PHAF1: variants seen among roughly 807,000 people sequenced by gnomAD.
The protein encoded by PHAF1 is phagosome assembly factor 1.
Under a neutral mutation model 63.1 loss-of-function variants are expected in PHAF1, and 23 were observed. The ratio of observed to expected loss-of-function variants is 0.36; its 90% confidence interval spans 0.26 to 0.52. PHAF1 has a LOEUF of 0.52. Ranked by LOEUF, PHAF1 falls within the 20% of genes least tolerant of loss-of-function variation. PHAF1 has a pLI of 0.93. For missense variants in PHAF1, 427 were observed against 517.2 expected (o/e 0.83, Z 1.69); for synonymous variants, 167 against 185.0 (o/e 0.90, Z 0.79).
At chr16:67,134,953 A>G in intron 8 of PHAF1, 1 of 331,782 alleles carries the variant, frequency 3.0e-6, no homozygotes, top group Non-Finnish European at 5.9e-6. Context: ...GTTTATGGTT[A>G]AAGCTTTTGT....
chr16:67,110,163 G>A lies in PHAF1; in HGVS notation c.-13G>A, dbSNP rs1216645685. The A allele has an allele frequency of 1.3e-6, 2 of 1,551,056 alleles. No homozygotes were observed. The highest frequency in any genetic ancestry group is 1.7e-6 in the Non-Finnish European group (2 of 1,147,260). On this transcript the variant is annotated 5_prime_UTR_variant, in exon 1 of 16. Transcript: ENST00000219139. ...GCCGCAGGGAGGCCGCCCGGGCCAGGCGAGCCGAACCAATGCTGGACCTGG... is the reference window on the plus strand; with the variant it reads ...GCCGCAGGGAGGCCGCCCGGGCCAGACGAGCCGAACCAATGCTGGACCTGG...
chr16:67,138,000 G>A (rs147294317), intron 8 of PHAF1, among the ~76,000 whole-genome samples: 2,035 of 152,308 alleles, frequency 0.013, 13 homozygotes, highest in Non-Finnish European at 0.022. Context: ...AATGCAGGGA[G>A]TCAGTTCAGC....
intron 15 of PHAF1, 90 bp downstream of exon 15, chr16:67,146,440 C>A: frequency 7.6e-7 from 1 of 1,317,732 alleles, no homozygotes; most frequent in South Asian, 1.2e-5. Context: ...TTGGGGAGGG[C>A]ATCACTGCCA....
intron 10 of PHAF1, among the ~76,000 whole-genome samples, chr16:67,142,620 G>A (rs1597216437): frequency 6.6e-6 from 1 of 152,258 alleles, no homozygotes; most frequent in Non-Finnish European, 1.5e-5. Flanking sequence ...CCCCAGAGCA[G>A]GCACCGGGAG....
chr16:67,111,820 CG>C, intron 1 of PHAF1, among the ~76,000 whole-genome samples: 1 of 152,212 alleles, frequency 6.6e-6, no homozygotes, highest in Non-Finnish European at 1.5e-5. Context: ...GATTGGGTTT[CG>C]CCATGTTGGC....
At chr16:67,132,682 T>G in intron 5 of PHAF1, 135 bp from the exon 6 acceptor site, 1 of 1,185,336 alleles carries the variant, frequency 8.4e-7, no homozygotes, top group Non-Finnish European at 1.3e-6. Context: ...CCCCTTGTTT[T>G]CAACCTAGTA....
intron 8 of PHAF1, 52 bp downstream of exon 8, chr16:67,134,519 A>G (rs1963536981): frequency 1.4e-6 from 2 of 1,450,004 alleles, no homozygotes; most frequent in South Asian, 2.3e-5. Flanking sequence ...CCATGTTGAG[A>G]CAGTCTAAAA....
At chr16:67,134,583 C>A in intron 8 of PHAF1, 116 bp downstream of exon 8, 1 of 941,790 alleles carries the variant, frequency 1.1e-6, no homozygotes, top group Non-Finnish European at 1.7e-6. Flanking sequence ...AATAAAATAC[C>A]ATAAACTGAG....
chr16:67,137,305 A>G (rs967133734), intron 8 of PHAF1, among the ~76,000 whole-genome samples: 3 of 152,140 alleles, frequency 2.0e-5, no homozygotes, highest in South Asian at 2.1e-4. Context: ...TGCTTAAGCT[A>G]TGGTTTTGGG....
chr16:67,139,958 C>CA (rs758113800), intron 8 of PHAF1, 26 bp from the exon 9 acceptor site: 1 of 1,613,750 alleles, frequency 6.2e-7, no homozygotes, highest in African/African-American at 1.3e-5. Flanking sequence ...CATAACCTGA[C>CA]AACCTCTCTG....
rs1597175206 is a variant in PHAF1 at position 67,110,056 on chromosome 16, T to G, written c.-120T>G. 2 of 1,050,110 alleles carry G rather than the reference T, an allele frequency of 1.9e-6. No homozygotes were observed. Among genetic ancestry groups the G allele is most frequent in the Non-Finnish European group, 2.8e-6 (2 of 716,820 alleles). The allele number at this position is 1,050,110 out of a possible 1,614,324, so 65.0% of individuals were successfully genotyped here. ...GCTGCCGCTGCCGCCGGGGAGGAGG[T>G]GGAAAGCGGGGCTGTGGCGGGCCGG... On this transcript the variant is annotated 5_prime_UTR_variant, in exon 1 of 16. Transcript: ENST00000219139.
rs1962776445 is a variant in PHAF1 at position 67,117,269 on chromosome 16, T to G, written c.65-2843T>G. ...TTTCACCAAGCCGGCCAGGCTGGTC[T>G]CAAACTCCTGACCTCGTGATCCGCC... is the stretch of plus-strand genomic sequence containing the variant. On this transcript the variant is annotated intron_variant, in intron 1 of 15. Transcript: ENST00000219139. 2.1e-5 allele frequency among the ~76,000 whole-genome samples: 3 copies of G among 143,876 alleles called. No homozygotes were observed. In the South Asian group the frequency reaches 6.9e-4, roughly 33 times the overall value. The allele number at this position is 143,876 out of a possible 152,430, so 94.4% of individuals were successfully genotyped here. A position where few individuals can be genotyped will look rare whatever the true frequency, so the allele number is the denominator to read the frequency against.
At chr16:67,114,051 G>A (rs571982143) in intron 1 of PHAF1, among the ~76,000 whole-genome samples, 10 of 152,216 alleles carry the variant, frequency 6.6e-5, no homozygotes, top group Admixed American at 5.2e-4. Context: ...GCAAGTCTCT[G>A]AATTTGTTTT....
chr16:67,147,209 T>A lies in PHAF1; in HGVS notation c.*78T>A. On this transcript the variant is annotated 3_prime_UTR_variant, in exon 16 of 16. Coordinates refer to ENST00000219139, the MANE Select transcript of PHAF1 (RefSeq NM_025187.5). ...CTCAGTGGGCCTCTGTACCACCCTG[T>A]GGGTTTTCTTGGACACCTGGCCAGT... 7.3e-7 allele frequency: 1 copy of A among 1,372,836 alleles called. No individual in the cohort carries two copies. The highest frequency in any genetic ancestry group is 1.2e-5 in the South Asian group (1 of 82,146). The allele number at this position is 1,372,836 out of a possible 1,614,324, so 85.0% of individuals were successfully genotyped here.
intron 2 of PHAF1, among the ~76,000 whole-genome samples, chr16:67,123,887 C>T (rs1447042006): frequency 6.6e-6 from 1 of 152,162 alleles, no homozygotes; most frequent in Non-Finnish European, 1.5e-5. Flanking sequence ...TCCCATCTTT[C>T]TTAGAGGGAA....
At chr16:67,147,019 G>C in intron 15 of PHAF1, 26 bp from the exon 16 acceptor site, 2 of 1,586,822 alleles carry the variant, frequency 1.3e-6, no homozygotes, top group Non-Finnish European at 1.7e-6. Context: ...TCTCCCCCTT[G>C]ACCCACTGTC....
In PHAF1 at chr16:67,133,460, C is replaced by T. The variant is rs565879786; in HGVS notation, c.450+549C>T. 2.6e-3 allele frequency among the ~76,000 whole-genome samples: 368 copies of T among 141,922 alleles called. 1 individual carries two copies. Among genetic ancestry groups the T allele is most frequent in the African/African-American group, 9.2e-3 (347 of 37,550 alleles). 93.1% of individuals were successfully genotyped at this position (141,922 alleles called of 152,430 possible). A position where few individuals can be genotyped will look rare whatever the true frequency, so the allele number is the denominator to read the frequency against. On this transcript the variant is annotated intron_variant, in intron 6 of 15. Transcript: ENST00000219139. The stretch of plus-strand genomic sequence containing the variant: ...ACTTGAGGTCAGGAGTTCGAGACCA[C>T]GTTGGCCAACATGGTGAAACCCTGT...
chr16:67,120,718 CT>C (rs1962937619), intron 2 of PHAF1, among the ~76,000 whole-genome samples: 2 of 151,856 alleles, frequency 1.3e-5, no homozygotes, highest in African/African-American at 2.4e-5. Flanking sequence ...AGACCATGTG[CT>C]GCCATGTTGA....
intron 8 of PHAF1, chr16:67,139,598 C>A: frequency 5.6e-6 from 1 of 178,142 alleles, no homozygotes; most frequent in South Asian, 1.3e-4. Flanking sequence ...ACCCATCCGC[C>A]TTGGCCTCCC....
Sources: gnomAD v4.1 joint callset for allele counts (sites outside exome capture counted in the v4.1 genomes callset) on GRCh38, gnomAD v4.1.1 for gene constraint, MANE v1.5 for transcripts, NCBI Gene and HGNC (gene_info 2026-07-23, HGNC 2026-07-21) for gene names.